Variants in ACVR1C observed in about 807,000 individuals in gnomAD.
The protein encoded by ACVR1C is activin receptor type-1C.
In ACVR1C, 23 loss-of-function variants were observed where a neutral mutation model predicts 57.9. The ratio of observed to expected loss-of-function variants is 0.40; its 90% CI spans 0.29 to 0.56. The LOEUF is 0.56. Ranked by LOEUF, ACVR1C falls within the 20% of genes least tolerant of loss-of-function variation. ACVR1C has a pLI of 0.50. For missense variants in ACVR1C, 480 were observed against 607.9 expected, an observed-to-expected ratio of 0.79 and a Z score of 2.21; for synonymous variants, 214 against 215.3, an observed-to-expected ratio of 0.99 and a Z score of 0.05.
At chr2:157,547,659 G>A (rs1231920668) in intron 4 of ACVR1C, among the ~76,000 whole-genome samples, 12 of 136,064 alleles carry the variant, frequency 8.8e-5, no homozygotes, top group African/African-American at 3.4e-4. Flanking sequence ...ACTTTTTGAT[G>A]GGGTTGTTTG....
intron 1 of ACVR1C, among the ~76,000 whole-genome samples, chr2:157,598,188 A>C (rs1360754113): frequency 6.6e-6 from 1 of 151,564 alleles, no homozygotes; most frequent in Non-Finnish European, 1.5e-5. Flanking sequence ...TGTGTTGTCA[A>C]GGAAGAACAT....
chr2:157,565,328 C>T (rs917633916), intron 2 of ACVR1C, among the ~76,000 whole-genome samples: 2 of 152,074 alleles, frequency 1.3e-5, no homozygotes, highest in African/African-American at 4.8e-5. Context: ...TCTGCACTTA[C>T]TGGTTGCAGG....
At chr2:157,544,787 A>G (rs1276737516) in intron 4 of ACVR1C, among the ~76,000 whole-genome samples, 175 bp from the exon 5 acceptor site, 1 of 152,236 alleles carries the variant, frequency 6.6e-6, no homozygotes, top group African/African-American at 2.4e-5. Flanking sequence ...TCCTGAAGAT[A>G]TTGATATGTT....
chr2:157,550,368 G>A lies in ACVR1C; in HGVS notation c.569C>T (p.Thr190Ile). The A allele has an allele frequency of 6.2e-7, 1 of 1,614,050 alleles. No homozygotes were observed. Residue 190 changes from threonine to isoleucine, a missense_variant, in exon 4 of 9, where the codon ACA becomes ATA. Coordinates refer to ENST00000243349, the MANE Select transcript of ACVR1C (RefSeq NM_145259.3). ...CTGAAGCACAATCGTCCTTGCAATT[G>A]TCCTTTGAACCAACAGAGGTAGACC... ...GSGLPLLVQR[T>I]IARTIVLQEI...
chr2:157,566,133 TTAGA>T (rs1405552538), intron 2 of ACVR1C, among the ~76,000 whole-genome samples: 12 of 152,334 alleles, frequency 7.9e-5, no homozygotes, highest in East Asian at 1.9e-4. Flanking sequence ...TGTAAATAAC[TTAGA>T]TAGTAATTAT....
rs922103688 is a variant in ACVR1C, at chr2:157,559,648, C to T, written c.305-3316G>A. On this transcript the variant is annotated intron_variant, in intron 2 of 8. Transcript: ENST00000243349. Reference sequence around the variant, plus strand: ...GAATTAGCAGCTCCATGGGGGGACACGTTAAATCCCAAAAGTGAGGTGGGA... The same window carrying T: ...GAATTAGCAGCTCCATGGGGGGACATGTTAAATCCCAAAAGTGAGGTGGGA... Among the ~76,000 whole-genome samples, 8 of 151,966 alleles carry T rather than the reference C, an allele frequency of 5.3e-5. 1 individual carries two copies. Among genetic ancestry groups the T allele is most frequent in the Non-Finnish European group, 7.4e-5 (5 of 68,010 alleles).
intron 1 of ACVR1C, among the ~76,000 whole-genome samples, chr2:157,600,790 C>T (rs1372838495): frequency 6.6e-6 from 1 of 151,986 alleles, no homozygotes; most frequent in Non-Finnish European, 1.5e-5. Flanking sequence ...TTATTAAGGC[C>T]GATCCTAGCT....
intron 4 of ACVR1C, among the ~76,000 whole-genome samples, chr2:157,549,872 G>A (rs1206541680): frequency 1.3e-5 from 2 of 149,246 alleles, no homozygotes; most frequent in South Asian, 2.1e-4. Flanking sequence ...GCGTAGTGGC[G>A]GGCGCCTGTA....
At chr2:157,598,181 G>T (rs1573946129) in intron 1 of ACVR1C, among the ~76,000 whole-genome samples, 1 of 142,404 alleles carries the variant, frequency 7.0e-6, no homozygotes, top group Non-Finnish European at 1.5e-5. Flanking sequence ...AAATTTTTGT[G>T]TTGTCAAGGA....
chr2:157,591,202 A>G (rs1689049083), intron 1 of ACVR1C, among the ~76,000 whole-genome samples: 1 of 151,964 alleles, frequency 6.6e-6, no homozygotes. Context: ...CTCTGTCAAG[A>G]GTGATTTGAC....
Position 157,541,359 on chromosome 2 carries a change from G to C in ACVR1C, c.1101-145C>G, listed in dbSNP as rs1687621819. On this transcript the variant is annotated intron_variant, in intron 6 of 8. Coordinates refer to ENST00000243349, the MANE Select transcript of ACVR1C (RefSeq NM_145259.3). ...GAATAAAATTAAAGAATAATTATTGGCTCAACCATCAAGTGTGTTCAGCAT... is the reference window on the plus strand; with the variant it reads ...GAATAAAATTAAAGAATAATTATTGCCTCAACCATCAAGTGTGTTCAGCAT... 4 of 805,220 alleles carry C rather than the reference G, an allele frequency of 5.0e-6. No homozygotes were observed. The Admixed American group carries it at 1.4e-4, about 28-fold the overall frequency. The allele number at this position is 805,220 out of a possible 1,614,324, so 49.9% of individuals were successfully genotyped here.
At chr2:157,610,668 A>G (rs1682511657) in intron 1 of ACVR1C, among the ~76,000 whole-genome samples, 1 of 152,182 alleles carries the variant, frequency 6.6e-6, no homozygotes, top group South Asian at 2.1e-4. Context: ...TGGGATACCA[A>G]TAATTTGTAT....
chr2:157,557,243 T>C (rs1480027700), intron 2 of ACVR1C, among the ~76,000 whole-genome samples: 3 of 152,132 alleles, frequency 2.0e-5, no homozygotes, highest in African/African-American at 7.2e-5. Flanking sequence ...AATTTTATTC[T>C]AAAAAGTTGT....
At chr2:157,562,266 G>A (rs1224654978) in intron 2 of ACVR1C, among the ~76,000 whole-genome samples, 1 of 147,058 alleles carries the variant, frequency 6.8e-6, no homozygotes, top group Non-Finnish European at 1.5e-5. Context: ...CTGCACTGCA[G>A]CCTAATGACA....
At chr2:157,607,968 CT>C (rs1358641235) in intron 1 of ACVR1C, among the ~76,000 whole-genome samples, 2 of 151,692 alleles carry the variant, frequency 1.3e-5, no homozygotes, top group Admixed American at 1.3e-4. Flanking sequence ...ATTTGAATGC[CT>C]TTTATTTCTT....
chr2:157,543,248 T>A (rs1356163304), intron 5 of ACVR1C, among the ~76,000 whole-genome samples: 2 of 152,212 alleles, frequency 1.3e-5, no homozygotes, highest in African/African-American at 4.8e-5. Context: ...CAGTTCTCAA[T>A]TGTAGCCAAA....
At position 157,544,473 on chromosome 2, in the gene ACVR1C, G is replaced by A. The variant is rs1687696024; in HGVS notation, c.915C>T (p.His305=). 1.2e-6 allele frequency: 2 copies of A among 1,613,018 alleles called. No homozygotes were observed. Among genetic ancestry groups the A allele is most frequent in the African/African-American group, 2.7e-5 (2 of 74,830 alleles). ...GTGTACCAACAATCTCCATATGAAG[G>A]TGTGCCAGACCACTAGCAATTGAGA... ...LALSIASGLA[H]LHMEIVGTQG... Residue 305 remains histidine, a synonymous_variant, in exon 5 of 9, where the codon CAC becomes CAT. Transcript: ENST00000243349.
intron 4 of ACVR1C, 70 bp from the exon 5 acceptor site, chr2:157,544,682 TCA>T: frequency 7.4e-7 from 1 of 1,359,754 alleles, no homozygotes; most frequent in Non-Finnish European, 1.0e-6. Context: ...TTTAAAAATA[TCA>T]GTGTTTAATC....
chr2:157,604,613 A>G (rs1325460159), intron 1 of ACVR1C, among the ~76,000 whole-genome samples: 1 of 151,944 alleles, frequency 6.6e-6, no homozygotes, highest in Non-Finnish European at 1.5e-5. Context: ...ACTATTTTGT[A>G]TAGAAGGTGT....
Sources: gnomAD v4.1 joint callset for allele counts (sites outside exome capture counted in the v4.1 genomes callset) on GRCh38, gnomAD v4.1.1 for gene constraint, MANE v1.5 for transcripts, NCBI Gene and HGNC (gene_info 2026-07-23, HGNC 2026-07-21) for gene names.